The following KDM3A variants were observed in gnomAD, a reference collection of about 807,000 sequenced individuals.
KDM3A encodes the protein lysine demethylase 3A, also known as lysine-specific demethylase 3A.
In KDM3A, 60 loss-of-function variants were observed where a neutral mutation model predicts 158.0. The ratio of observed to expected loss-of-function variants is 0.38; its 90% CI spans 0.31 to 0.47. The LOEUF (loss-of-function observed/expected upper bound fraction) is 0.47. Among genes scored for constraint, KDM3A ranks in the 20% least tolerant of loss-of-function variants. The pLI is 0.99. For synonymous variants in KDM3A, 608 were observed against 549.3 expected, an observed-to-expected ratio of 1.11 and a Z score of -1.49; for missense variants, 1,319 against 1,574.3, an observed-to-expected ratio of 0.84 and a Z score of 2.74.
intron 8 of KDM3A, among the ~76,000 whole-genome samples, chr2:86,459,218 C>T (rs1425169373): frequency 6.6e-6 from 1 of 152,026 alleles, no homozygotes; most frequent in Non-Finnish European, 1.5e-5. Flanking sequence ...TAGAAGGGAA[C>T]AGATAGTAAG....
chr2:86,464,607 C>G (rs902388131), intron 9 of KDM3A, among the ~76,000 whole-genome samples: 1 of 151,942 alleles, frequency 6.6e-6, no homozygotes, highest in Non-Finnish European at 1.5e-5. Flanking sequence ...ATGAATTGAC[C>G]CAAGTATAGT....
intron 5 of KDM3A, among the ~76,000 whole-genome samples, chr2:86,455,953 C>CAAAAAAAAAAAAA (rs574299612): frequency 1.8e-5 from 1 of 56,178 alleles, no homozygotes; most frequent in African/African-American, 6.7e-5. Context: ...GACCCTGTCT[C>CAAAAAAAAAAAAA]AAAAAAAAAA....
chr2:86,466,512 T>A lies in KDM3A; in HGVS notation c.1148T>A (p.Leu383Gln). 2 of 1,613,974 alleles carry A rather than the reference T, an allele frequency of 1.2e-6. No individual in the cohort carries two copies. The highest frequency in any genetic ancestry group is 1.7e-6 in the Non-Finnish European group (2 of 1,179,868). ...SQIGTGDLKI[L>Q]TEPKGSCTQP... The stretch of plus-strand genomic sequence containing the variant: ...ATTGGAACTGGAGACTTGAAAATTC[T>A]GACTGAGCCAAAAGGCAGCTGTACT... The change falls in exon 10 of 26, where the codon CTG (leucine) becomes CAG (glutamine). Residue 383 changes from leucine to glutamine, a missense_variant. By Grantham distance (113) the Leu-to-Gln change is moderately radical. Around this residue, in one of 4 missense-constraint regions of KDM3A, gnomAD observed 652 missense variants for 627.2 expected, o/e 1.04. Coordinates refer to ENST00000312912, the MANE Select transcript of KDM3A (RefSeq NM_018433.6).
At chr2:86,491,630 G>A in intron 25 of KDM3A, 1 of 321,278 alleles carries the variant, frequency 3.1e-6, no homozygotes, top group Non-Finnish European at 5.8e-6. Context: ...TCACTCTTAG[G>A]TAGAGCAGAA....
chr2:86,485,096 G>GT, intron 20 of KDM3A, 67 bp downstream of exon 20: 2 of 918,640 alleles, frequency 2.2e-6, no homozygotes, highest in Non-Finnish European at 3.5e-6. Context: ...CTTTTTTGAG[G>GT]TAGTGAGAAA....
chr2:86,444,946 A>G (rs547560040), intron 2 of KDM3A, among the ~76,000 whole-genome samples: 116 of 152,248 alleles, frequency 7.6e-4, no homozygotes, highest in Non-Finnish European at 1.4e-3. Flanking sequence ...AAATGGTTAC[A>G]TCAGGATTTA....
At chr2:86,455,034 CTCT>C (rs1558608654) in intron 4 of KDM3A, 48 bp from the exon 5 acceptor site, 9 of 1,083,200 alleles carry the variant, frequency 8.3e-6, no homozygotes, top group Non-Finnish European at 1.1e-5. Flanking sequence ...ATTTAAATAA[CTCT>C]TCTTATTAAC....
chr2:86,489,782 C>T lies in KDM3A; in HGVS notation c.3573+123C>T, dbSNP rs113213162. The T allele has an allele frequency of 9.2e-5, 95 of 1,031,318 alleles. 1 individual carries two copies. The African/African-American group carries it at 1.0e-3, about 11-fold the overall frequency. 63.9% of individuals were successfully genotyped at this position (1,031,318 alleles called of 1,614,324 possible). On this transcript the variant is annotated intron_variant, in intron 23 of 25. Coordinates refer to ENST00000312912, the MANE Select transcript of KDM3A (RefSeq NM_018433.6). The stretch of plus-strand genomic sequence containing the variant: ...ACAACCTGAAAAGTTAAATCTGTAC[C>T]TGTCAGATTGAATAGGCTGAAGGTG...
At chr2:86,467,937 G>A (rs938609635) in intron 10 of KDM3A, among the ~76,000 whole-genome samples, 4 of 152,002 alleles carry the variant, frequency 2.6e-5, no homozygotes, top group Admixed American at 2.6e-4. Context: ...GAGGCAGGGG[G>A]GTTGCTTGAC....
chr2:86,442,367 A>G, intron 2 of KDM3A, 134 bp downstream of exon 2: 1 of 807,974 alleles, frequency 1.2e-6, no homozygotes, highest in Non-Finnish European at 1.9e-6. Context: ...GCAGGAAGCT[A>G]GATCTTGAAA....
intron 8 of KDM3A, among the ~76,000 whole-genome samples, chr2:86,460,252 A>G (rs1360504553): frequency 2.6e-5 from 4 of 152,154 alleles, no homozygotes; most frequent in African/African-American, 9.7e-5. Context: ...ACTAAAAACC[A>G]TACTCTTGTA....
At chr2:86,488,749 A>G (rs190073332) in intron 21 of KDM3A, 1 of 153,426 alleles carries the variant, frequency 6.5e-6, no homozygotes, top group Non-Finnish European at 1.5e-5. Context: ...AAGCTTCAGG[A>G]TGATTGTTGA....
chr2:86,491,244 A>G lies in KDM3A; in HGVS notation c.3854A>G (p.Gln1285Arg). ...ACTCAGGAATTCCGATATCTGTCAC[A>G]GACTCATACCAATCACGAAGATAAA... ...WLTQEFRYLS[Q>R]THTNHEDKLQ... Residue 1285 changes from glutamine (Q) to arginine (R), a missense_variant, in exon 25 of 26, where the codon CAG becomes CGG. This residue lies in a region of KDM3A where 186 missense variants were observed against 340.9 expected (regional missense o/e 0.55). Coordinates refer to ENST00000312912, the MANE Select transcript of KDM3A (RefSeq NM_018433.6). The G allele has an allele frequency of 4.3e-6, 7 of 1,613,954 alleles. No individual in the cohort carries two copies. Among genetic ancestry groups the G allele is most frequent in the Non-Finnish European group, 5.9e-6 (7 of 1,179,822 alleles).
At chr2:86,451,258 A>T in intron 4 of KDM3A, 45 bp downstream of exon 4, 1 of 1,252,520 alleles carries the variant, frequency 8.0e-7, no homozygotes, top group South Asian at 1.3e-5. Flanking sequence ...AGAAATACGA[A>T]CTCCTTTAAC....
At chr2:86,455,862 A>AG (rs1385405178) in intron 5 of KDM3A, among the ~76,000 whole-genome samples, 1 of 151,124 alleles carries the variant, frequency 6.6e-6, no homozygotes, top group African/African-American at 2.4e-5. Context: ...AGGCTGAGGC[A>AG]GGAGGATCAC....
chr2:86,464,306 G>GATAA, intron 9 of KDM3A, 90 bp downstream of exon 9: 2 of 1,013,964 alleles, frequency 2.0e-6, no homozygotes, highest in Non-Finnish European at 2.7e-6. Flanking sequence ...GTTGTCCAGG[G>GATAA]AGGTTTTTCG....
At position 86,475,010 on chromosome 2, in the gene KDM3A, G is replaced by A. The variant is rs1302606351; in HGVS notation, c.1939+20G>A. Reference sequence around the variant, plus strand: ...CACACAGTAAGAGCATCTCTTAGGGGGTAGGATTTTCGAGCCCAATTTGAT... The same window carrying A: ...CACACAGTAAGAGCATCTCTTAGGGAGTAGGATTTTCGAGCCCAATTTGAT... On this transcript the variant is annotated intron_variant, in intron 12 of 25. Transcript: ENST00000312912. The A allele has an allele frequency of 4.4e-6, 7 of 1,591,378 alleles. No homozygotes were observed. The highest frequency in any genetic ancestry group is 6.0e-6 in the Non-Finnish European group (7 of 1,163,694).
intron 3 of KDM3A, 112 bp from the exon 4 acceptor site, chr2:86,450,991 A>T: frequency 1.6e-6 from 1 of 608,236 alleles, no homozygotes; most frequent in African/African-American, 1.9e-5. Flanking sequence ...TGCAGTAAAT[A>T]AAAAAAATTA....
At chr2:86,441,965 C>T in intron 1 of KDM3A, 53 bp from the exon 2 acceptor site, 3 of 1,487,270 alleles carry the variant, frequency 2.0e-6, no homozygotes, top group Middle Eastern at 2.4e-4. Context: ...TGTCTCCGCC[C>T]GGCCCCCTCC....
Sources: gnomAD v4.1 joint callset for allele counts (sites outside exome capture counted in the v4.1 genomes callset) on GRCh38, gnomAD v4.1.1 for gene constraint, gnomAD v4.1.1 regional missense constraint, MANE v1.5 for transcripts, NCBI Gene and HGNC (gene_info 2026-07-23, HGNC 2026-07-21) for gene names.